ARHGEF10: variants seen among roughly 807,000 people sequenced by gnomAD.
ARHGEF10 encodes the protein Rho guanine nucleotide exchange factor (GEF) 10.
In ARHGEF10, 140 loss-of-function variants were observed where a neutral mutation model predicts 147.4. That is an observed-to-expected ratio of 0.95 (90% CI 0.83 to 1.09). ARHGEF10 has a LOEUF of 1.09. ARHGEF10 is among the 50% of genes least tolerant of loss of function. The probability of loss-of-function intolerance (pLI) is 0.00; values close to 1 mark genes in which losing one functional copy is unlikely to be tolerated. For missense variants in ARHGEF10, 2,222 were observed against 1,752.7 expected (o/e 1.27, Z -4.78); for synonymous variants, 902 against 695.8 (o/e 1.30, Z -4.67).
At chr8:1,843,987 G>A (rs977572856) in intron 2 of ARHGEF10, among the ~76,000 whole-genome samples, 1 of 152,238 alleles carries the variant, frequency 6.6e-6, no homozygotes, top group Non-Finnish European at 1.5e-5. Context: ...TGCCAGGGTT[G>A]CCAGCTCGCG....
At chr8:1,843,189 G>C (rs534823359) in intron 1 of ARHGEF10, among the ~76,000 whole-genome samples, 164 bp from the exon 2 acceptor site, 1 of 152,348 alleles carries the variant, frequency 6.6e-6, no homozygotes, top group African/African-American at 2.4e-5. Flanking sequence ...TTTCAAGGGA[G>C]ATTTACAAGT....
At chr8:1,832,027 A>G (rs1803141129) in intron 1 of ARHGEF10, among the ~76,000 whole-genome samples, 1 of 152,036 alleles carries the variant, frequency 6.6e-6, no homozygotes, top group South Asian at 2.1e-4. Context: ...TGGGGACAGG[A>G]GTCTGTGGAA....
At chr8:1,936,550 G>C (rs1342132370) in intron 26 of ARHGEF10, among the ~76,000 whole-genome samples, 2 of 152,118 alleles carry the variant, frequency 1.3e-5, no homozygotes, top group African/African-American at 4.8e-5. Flanking sequence ...AATGTCACAG[G>C]AAAGTGTCTT....
intron 25 of ARHGEF10, among the ~76,000 whole-genome samples, chr8:1,930,810 C>T (rs1308466543): frequency 6.6e-6 from 1 of 152,164 alleles, no homozygotes; most frequent in African/African-American, 2.4e-5. Flanking sequence ...CCAAGAAGGC[C>T]TGGACTTCTT....
chr8:1,957,975 A>C lies in ARHGEF10; in HGVS notation c.*712A>C, dbSNP rs1219677923. The C allele has an allele frequency of 4.6e-5, 7 of 152,274 alleles. No homozygotes were observed. The highest frequency in any genetic ancestry group is 1.7e-4 in the African/African-American group (7 of 41,446). The allele number at this position is 152,274 out of a possible 1,614,324, so 9.4% of individuals were successfully genotyped here. On this transcript the variant is annotated 3_prime_UTR_variant, in exon 29 of 29. Transcript: ENST00000349830. The stretch of plus-strand genomic sequence containing the variant: ...ACAAATAATGTTTGCTTTGAACCAA[A>C]ATGCTCAGTGCCTATCAACATTTGG...
chr8:1,893,247 C>G (rs575770092), intron 11 of ARHGEF10, among the ~76,000 whole-genome samples: 2 of 152,154 alleles, frequency 1.3e-5, no homozygotes, highest in South Asian at 4.1e-4. Context: ...TATCATCTAC[C>G]TGAATGTTGG....
Position 1,948,562 on chromosome 8 carries a change from G to C in ARHGEF10, c.3397+2907G>C, listed in dbSNP as rs542107864. On this transcript the variant is annotated intron_variant, in intron 27 of 28. Transcript: ENST00000349830. This position sits in a 1 kb window ranked among gnomAD's most constrained non-coding sequence, Gnocchi z 4.9. ...GGTACACGGGTTAGAGGCAACCTCG[G>C]TGACACCAGAAGTTCAGTTTTGTTT... Among the ~76,000 whole-genome samples, 1 of 152,290 alleles carries C rather than the reference G, an allele frequency of 6.6e-6. No homozygotes were observed. The highest frequency in any genetic ancestry group is 2.4e-5 in the African/African-American group (1 of 41,560).
At chr8:1,906,990 G>A (rs1411148963) in intron 17 of ARHGEF10, among the ~76,000 whole-genome samples, 1 of 152,232 alleles carries the variant, frequency 6.6e-6, no homozygotes, top group Non-Finnish European at 1.5e-5. Context: ...GGCCTTCACT[G>A]TGGACGCCTG....
chr8:1,916,516 C>G (rs1319727620), intron 18 of ARHGEF10, among the ~76,000 whole-genome samples: 1 of 152,116 alleles, frequency 6.6e-6, no homozygotes, highest in Non-Finnish European at 1.5e-5. Context: ...TCTTATTGTT[C>G]TTCTCTGTTC....
chr8:1,951,704 G>A (rs1439807214), intron 27 of ARHGEF10, among the ~76,000 whole-genome samples: 2 of 152,224 alleles, frequency 1.3e-5, no homozygotes, highest in African/African-American at 2.4e-5. Flanking sequence ...AGCTAAATGG[G>A]CCTACTGTGC....
At chr8:1,830,738 G>A (rs1262378702) in intron 1 of ARHGEF10, among the ~76,000 whole-genome samples, 8 of 152,206 alleles carry the variant, frequency 5.3e-5, no homozygotes, top group African/African-American at 1.7e-4. Context: ...GAAAAGCTGC[G>A]GAAAGAGAAG....
intron 27 of ARHGEF10, chr8:1,946,032 C>G: frequency 2.6e-6 from 1 of 386,510 alleles, no homozygotes; most frequent in Non-Finnish European, 4.9e-6. Flanking sequence ...CAGGAGGCCT[C>G]CCTTTGGCTG....
chr8:1,916,658 C>T (rs1391250077), intron 18 of ARHGEF10, among the ~76,000 whole-genome samples: 1 of 152,130 alleles, frequency 6.6e-6, no homozygotes, highest in Non-Finnish European at 1.5e-5. Context: ...GGTTCATAAC[C>T]AAGATTTCTC....
intron 26 of ARHGEF10, among the ~76,000 whole-genome samples, chr8:1,939,655 T>A (rs1813918762): frequency 6.6e-6 from 1 of 152,106 alleles, no homozygotes; most frequent in Non-Finnish European, 1.5e-5. Context: ...TGAGGAGGGA[T>A]TCACTAGGAG....
chr8:1,826,171 A>T (rs2129028932), intron 1 of ARHGEF10: 1 of 1,565,734 alleles, frequency 6.4e-7, no homozygotes, highest in East Asian at 2.2e-5. Context: ...GCTATTTGTA[A>T]TTCATTAGTT....
At chr8:1,861,213 G>C (rs1318263124) in intron 4 of ARHGEF10, among the ~76,000 whole-genome samples, 1 of 152,236 alleles carries the variant, frequency 6.6e-6, no homozygotes, top group Non-Finnish European at 1.5e-5. Flanking sequence ...TTGGTTGGTG[G>C]AGCCCGTTCT....
chr8:1,867,298 A>G (rs1285479622), intron 6 of ARHGEF10, among the ~76,000 whole-genome samples: 2 of 152,234 alleles, frequency 1.3e-5, no homozygotes, highest in East Asian at 1.9e-4. Context: ...TAAGAGAACT[A>G]TTACTTAAAG....
intron 28 of ARHGEF10, among the ~76,000 whole-genome samples, chr8:1,955,696 G>A (rs536709786): frequency 2.7e-4 from 41 of 152,350 alleles, no homozygotes; most frequent in South Asian, 1.2e-3. Flanking sequence ...CTGAAAGGAC[G>A]TGCACTCACT....
intron 1 of ARHGEF10, among the ~76,000 whole-genome samples, chr8:1,832,925 CAG>C (rs1349520961): frequency 2.2e-5 from 2 of 89,996 alleles, no homozygotes; most frequent in African/African-American, 4.6e-5. Context: ...GAGGCAGAGA[CAG>C]AGGCAGAGAC....
Sources: gnomAD v4.1 joint callset for allele counts (sites outside exome capture counted in the v4.1 genomes callset) on GRCh38, gnomAD v4.1.1 for gene constraint, Gnocchi (gnomAD v3.1) non-coding constraint, MANE v1.5 for transcripts, NCBI Gene and HGNC (gene_info 2026-07-23, HGNC 2026-07-21) for gene names.